The following BDH2 variants were observed in gnomAD, a reference collection of about 807,000 sequenced individuals.
BDH2 encodes the protein dehydrogenase/reductase SDR family member 6.
In BDH2, 24 loss-of-function variants were observed where a neutral mutation model predicts 33.2. The observed-to-expected ratio is 0.72, with a 90% confidence interval of 0.52 to 1.02. BDH2 has a LOEUF of 1.02. Among genes scored for constraint, BDH2 ranks in the 50% least tolerant of loss-of-function variants. The pLI is 0.00. For synonymous variants in BDH2, 81 were observed against 101.6 expected (o/e 0.80, Z 1.22); for missense variants, 249 against 301.6 (o/e 0.83, Z 1.29).
intron 4 of BDH2, chr4:103,091,778 C>T (rs555833642): frequency 2.2e-6 from 1 of 455,480 alleles, no homozygotes; most frequent in South Asian, 1.6e-5. Context: ...AAAACATCTG[C>T]CCTATTTGCC....
At chr4:103,081,454 C>T (rs751424027) in intron 9 of BDH2, among the ~76,000 whole-genome samples, 63 of 152,154 alleles carry the variant, frequency 4.1e-4, no homozygotes, top group Non-Finnish European at 6.2e-4. Context: ...CCCGCCACCA[C>T]GCTCAGCTAT....
intron 6 of BDH2, 27 bp downstream of exon 6, chr4:103,086,453 G>A (rs771449652): frequency 2.0e-5 from 32 of 1,608,008 alleles, no homozygotes; most frequent in East Asian, 4.5e-5. Flanking sequence ...TATGAGCATC[G>A]CAGTCCTCGG....
intron 2 of BDH2, among the ~76,000 whole-genome samples, chr4:103,095,648 A>C (rs1170839054): frequency 6.6e-6 from 1 of 152,162 alleles, no homozygotes; most frequent in Non-Finnish European, 1.5e-5. Context: ...TAAGAGAAAA[A>C]TTGGTTGTTT....
At chr4:103,085,731 G>A in intron 6 of BDH2, 1 of 1,393,750 alleles carries the variant, frequency 7.2e-7, no homozygotes, top group Non-Finnish European at 9.5e-7. Flanking sequence ...CTCATCATCA[G>A]TTGCCATAAC....
chr4:103,082,975 A>G (rs769791458), intron 7 of BDH2, 46 bp from the exon 8 acceptor site: 1 of 1,504,226 alleles, frequency 6.6e-7, no homozygotes, highest in Non-Finnish European at 9.3e-7. Flanking sequence ...CTTTCACTGA[A>G]AAAGAAATCG....
At chr4:103,095,592 G>A (rs150578359) in intron 2 of BDH2, among the ~76,000 whole-genome samples, 5 of 152,226 alleles carry the variant, frequency 3.3e-5, no homozygotes, top group African/African-American at 1.2e-4. Context: ...CTTCTGTAAT[G>A]AGACTATATA....
intron 7 of BDH2, among the ~76,000 whole-genome samples, chr4:103,084,634 C>A (rs1328108170): frequency 1.3e-5 from 2 of 152,186 alleles, no homozygotes; most frequent in Non-Finnish European, 2.9e-5. Context: ...AATGAAATGA[C>A]CTCTCATGCA....
In BDH2 at chr4:103,079,687, A is replaced by G. The variant is rs753605362; in HGVS notation, c.*15T>C. 2 of 1,613,088 alleles carry G rather than the reference A, an allele frequency of 1.2e-6. No individual in the cohort carries two copies. The highest frequency in any genetic ancestry group is 1.7e-6 in the Non-Finnish European group (2 of 1,179,226). On this transcript the variant is annotated 3_prime_UTR_variant, in exon 10 of 10. Coordinates refer to ENST00000296424, the MANE Select transcript of BDH2 (RefSeq NM_020139.4). ...GGAAGGGCCTGCCTTCCTTCCCACCATGGAGATCCTAAAATCACAAGCTCC... is the reference window on the plus strand; with the variant it reads ...GGAAGGGCCTGCCTTCCTTCCCACCGTGGAGATCCTAAAATCACAAGCTCC...
At chr4:103,090,123 G>GCATTT (rs1748008582) in intron 5 of BDH2, among the ~76,000 whole-genome samples, 1 of 152,138 alleles carries the variant, frequency 6.6e-6, no homozygotes, top group Admixed American at 6.6e-5. Flanking sequence ...TTGTTCTTCT[G>GCATTT]CATTTCACTA....
chr4:103,091,523 A>G, intron 4 of BDH2: 1 of 419,852 alleles, frequency 2.4e-6, no homozygotes, highest in South Asian at 2.3e-5. Flanking sequence ...TGGTCACCGA[A>G]CATAAGAAGC....
chr4:103,083,294 TA>T (rs1408186724), intron 7 of BDH2, among the ~76,000 whole-genome samples: 1 of 152,214 alleles, frequency 6.6e-6, no homozygotes, highest in Admixed American at 6.5e-5. Flanking sequence ...GAGATGTAGA[TA>T]AAATCGTACA....
At position 103,082,164 on chromosome 4, in the gene BDH2, C is replaced by T; in HGVS notation, c.601G>A (p.Asp201Asn). The T allele has an allele frequency of 6.2e-7, 1 of 1,613,958 alleles. No individual in the cohort carries two copies. Among genetic ancestry groups the T allele is most frequent in the South Asian group, 1.1e-5 (1 of 91,066 alleles). ...CCCGTCTTTTGTCTCTTCAGGAAATCATTCCGTGCCTGTGACCAGAGACCA... is the reference window on the plus strand; with the variant it reads ...CCCGTCTTTTGTCTCTTCAGGAAATTATTCCGTGCCTGTGACCAGAGACCA... The part of the protein sequence containing the change: ...ARGNPEEARN[D>N]FLKRQKTGRF... The change falls in exon 9 of 10, where the codon GAT (aspartate) becomes AAT (asparagine). Residue 201 changes from aspartate to asparagine, a missense_variant. By Grantham distance (23) the Asp-to-Asn change is conservative. Coordinates refer to ENST00000296424, the MANE Select transcript of BDH2 (RefSeq NM_020139.4).
chr4:103,080,405 A>G (rs1747449978), intron 9 of BDH2, among the ~76,000 whole-genome samples: 1 of 152,216 alleles, frequency 6.6e-6, no homozygotes, highest in South Asian at 2.1e-4. Context: ...TTCATTTTCT[A>G]AATAAGGCTG....
At chr4:103,081,811 G>A (rs1344983201) in intron 9 of BDH2, among the ~76,000 whole-genome samples, 1 of 152,164 alleles carries the variant, frequency 6.6e-6, no homozygotes, top group Non-Finnish European at 1.5e-5. Context: ...GAAAGGAACT[G>A]TCTCTCAGAA....
intron 9 of BDH2, among the ~76,000 whole-genome samples, chr4:103,080,026 A>T (rs1365815675): frequency 1.3e-5 from 2 of 152,246 alleles, no homozygotes; most frequent in African/African-American, 4.8e-5. Flanking sequence ...AAATTAAGGA[A>T]CAGTGATGTA....
intron 9 of BDH2, 87 bp from the exon 10 acceptor site, chr4:103,079,842 A>G (rs766534060): frequency 4.6e-5 from 57 of 1,240,348 alleles, no homozygotes; most frequent in Non-Finnish European, 6.4e-5. Flanking sequence ...TAGGATAACT[A>G]AACAATTTAC....
chr4:103,090,793 G>T (rs548781819), intron 5 of BDH2, among the ~76,000 whole-genome samples: 2 of 152,240 alleles, frequency 1.3e-5, no homozygotes, highest in South Asian at 2.1e-4. Context: ...CAGAGGGGCC[G>T]CATTGATATC....
intron 1 of BDH2, among the ~76,000 whole-genome samples, chr4:103,098,295 G>T (rs1384702455): frequency 2.0e-5 from 3 of 152,206 alleles, no homozygotes; most frequent in African/African-American, 7.2e-5. Flanking sequence ...TAATTTCAAA[G>T]AAATGTTATT....
At chr4:103,089,203 T>C (rs1747951046) in intron 5 of BDH2, among the ~76,000 whole-genome samples, 1 of 152,224 alleles carries the variant, frequency 6.6e-6, no homozygotes, top group East Asian at 1.9e-4. Flanking sequence ...ATGTGTGTCA[T>C]AGTTAATGAT....
Sources: allele counts gnomAD v4.1 joint callset (sites outside exome capture counted in the v4.1 genomes callset), GRCh38; gene constraint gnomAD v4.1.1; transcripts MANE v1.5; gene names NCBI Gene and HGNC (gene_info 2026-07-23, HGNC 2026-07-21).